The following CPB1 variants were observed in gnomAD, a reference collection of about 807,000 sequenced individuals.
CPB1 encodes carboxypeptidase B.
A neutral mutation model predicts 51.4 loss-of-function variants in CPB1; 53 were observed. That is an observed-to-expected ratio of 1.03 (90% confidence interval 0.83 to 1.30). The LOEUF is 1.30. Among genes scored for constraint, CPB1 ranks in the 50% most tolerant of loss-of-function variants. The pLI is 0.00. For missense variants in CPB1, 494 were observed against 516.2 expected (o/e 0.96, Z 0.42); for synonymous variants, 189 against 186.9 (o/e 1.01, Z -0.09).
chr3:148,831,492 T>C (rs2108010415), intron 2 of CPB1, among the ~76,000 whole-genome samples: 1 of 152,304 alleles, frequency 6.6e-6, no homozygotes, highest in Admixed American at 6.5e-5. Context: ...GAAAAAAAGA[T>C]CCCCAACACC....
chr3:148,859,942 C>A lies in CPB1; in HGVS notation c.1194C>A (p.Cys398Ter). The change falls in exon 11 of 11, where the codon TGC (cysteine) becomes TGA (stop). Residue 398 changes from cysteine (C) to a stop codon, truncating the protein, a stop_gained. Transcript: ENST00000282957. LOFTEE classifies it high-confidence loss of function. ...LLPESQIRAT[C>*]EETFLAIKYV... ...CAGAATCCCAGATCCGGGCTACCTG[C>A]GAGGAGACCTTCCTGGCAATCAAGT... 5.6e-6 allele frequency: 9 copies of A among 1,614,156 alleles called. No homozygotes were observed. Among genetic ancestry groups the A allele is most frequent in the Non-Finnish European group, 7.6e-6 (9 of 1,179,996 alleles).
At chr3:148,831,854 A>G (rs1231560684) in intron 2 of CPB1, among the ~76,000 whole-genome samples, 1 of 152,188 alleles carries the variant, frequency 6.6e-6, no homozygotes, top group Non-Finnish European at 1.5e-5. Context: ...TCTGAAATTT[A>G]TATTTATCAC....
chr3:148,838,931 T>C (rs1326269773), intron 3 of CPB1, among the ~76,000 whole-genome samples: 4 of 152,196 alleles, frequency 2.6e-5, no homozygotes, highest in African/African-American at 9.7e-5. Context: ...ATAATTATAG[T>C]GCTGACTAAA....
intron 2 of CPB1, among the ~76,000 whole-genome samples, chr3:148,830,881 T>C (rs1168759734): frequency 6.6e-6 from 1 of 152,184 alleles, no homozygotes; most frequent in African/African-American, 2.4e-5. Flanking sequence ...TTCTTCTTTA[T>C]TCTTTTATTT....
intron 2 of CPB1, among the ~76,000 whole-genome samples, chr3:148,833,560 G>A (rs890016036): frequency 1.8e-4 from 27 of 152,020 alleles, no homozygotes; most frequent in African/African-American, 5.8e-4. Flanking sequence ...GCAAACATCC[G>A]AACAGAGATT....
intron 9 of CPB1, among the ~76,000 whole-genome samples, chr3:148,853,133 A>T (rs1391964768): frequency 6.6e-6 from 1 of 152,172 alleles, no homozygotes; most frequent in Non-Finnish European, 1.5e-5. Context: ...ACCCATAGGG[A>T]TGGCTAAACT....
At chr3:148,838,944 C>T (rs1712992981) in intron 3 of CPB1, among the ~76,000 whole-genome samples, 2 of 152,150 alleles carry the variant, frequency 1.3e-5, no homozygotes, top group Non-Finnish European at 2.9e-5. Context: ...TGACTAAAAT[C>T]ATTGTTCCTA....
intron 2 of CPB1, among the ~76,000 whole-genome samples, chr3:148,830,549 T>C (rs904221678): frequency 6.6e-6 from 1 of 152,222 alleles, no homozygotes; most frequent in East Asian, 1.9e-4. Context: ...GTAAGAATTA[T>C]ATGTGTTTGC....
intron 5 of CPB1, 132 bp from the exon 6 acceptor site, chr3:148,841,691 T>C (rs553624779): frequency 8.0e-6 from 5 of 625,294 alleles, no homozygotes; most frequent in African/African-American, 3.7e-5. Flanking sequence ...TATTTTAATT[T>C]AATCATGGGA....
chr3:148,857,156 T>C (rs1713605705), intron 9 of CPB1: 1 of 183,900 alleles, frequency 5.4e-6, no homozygotes, highest in South Asian at 1.8e-4. Context: ...AACAACTTCT[T>C]TGCACAACCA....
At chr3:148,850,786 C>A (rs1713404250) in intron 9 of CPB1, 1 of 152,152 alleles carries the variant, frequency 6.6e-6, no homozygotes, top group South Asian at 2.1e-4. Flanking sequence ...CATGTCCCTG[C>A]CTAATAGCAA....
chr3:148,833,185 T>A (rs114964852), intron 2 of CPB1, among the ~76,000 whole-genome samples: 266 of 152,274 alleles, frequency 1.7e-3, no homozygotes, highest in African/African-American at 6.2e-3. Flanking sequence ...ACTCACTAGG[T>A]CACCTTCTAC....
rs1186062961 is a variant in CPB1 at position 148,844,566 on chromosome 3, G to A, written c.665G>A (p.Gly222Asp). 3.1e-6 allele frequency: 5 copies of A among 1,613,626 alleles called. No homozygotes were observed. The highest frequency in any genetic ancestry group is 4.2e-6 in the Non-Finnish European group (5 of 1,179,722). Reference protein sequence around the residue: ...FYVLPVLNIDGYIYTWTKSRF... With the variant: ...FYVLPVLNIDDYIYTWTKSRF... The stretch of plus-strand genomic sequence containing the variant: ...GTCCTGCCTGTGCTCAATATTGATG[G>A]CTACATCTACACCTGGACCAAGGTA... Residue 222 changes from glycine to aspartate, a missense_variant, in exon 7 of 11, where the codon GGC becomes GAC. By Grantham distance (94) the Gly-to-Asp change is moderately conservative. Coordinates refer to ENST00000282957, the MANE Select transcript of CPB1 (RefSeq NM_001871.3).
intron 6 of CPB1, among the ~76,000 whole-genome samples, chr3:148,844,053 G>A (rs1376147975): frequency 6.6e-6 from 1 of 152,098 alleles, no homozygotes; most frequent in Non-Finnish European, 1.5e-5. Flanking sequence ...GACATTATTA[G>A]GAACATGCAC....
At chr3:148,841,965 T>C (rs766261602) in intron 6 of CPB1, 41 bp downstream of exon 6, 1 of 1,378,112 alleles carries the variant, frequency 7.3e-7, no homozygotes, top group Non-Finnish European at 1.0e-6. Flanking sequence ...GAAATGTATG[T>C]TTTAATTTTC....
intron 5 of CPB1, 39 bp downstream of exon 5, chr3:148,841,014 C>T (rs781394402): frequency 1.3e-6 from 2 of 1,506,546 alleles, no homozygotes; most frequent in African/African-American, 2.8e-5. Context: ...TGTCTGAGGG[C>T]TTTAAATCAA....
chr3:148,843,956 G>A (rs1385222348), intron 6 of CPB1, among the ~76,000 whole-genome samples: 1 of 152,110 alleles, frequency 6.6e-6, no homozygotes, highest in Non-Finnish European at 1.5e-5. Flanking sequence ...ATTTTGAGAG[G>A]CATTCTCATT....
intron 2 of CPB1, among the ~76,000 whole-genome samples, chr3:148,830,458 T>C (rs1712699272): frequency 6.6e-6 from 1 of 152,172 alleles, no homozygotes; most frequent in South Asian, 2.1e-4. Context: ...AAAATGAAGA[T>C]GATAATACTA....
At position 148,859,900 on chromosome 3, in the gene CPB1, A is replaced by T. The variant is rs770815490; in HGVS notation, c.1152A>T (p.Arg384Ser). 1.1e-5 allele frequency: 17 copies of T among 1,614,028 alleles called. No homozygotes were observed. The highest frequency in any genetic ancestry group is 1.4e-5 in the Non-Finnish European group (17 of 1,180,022). The change falls in exon 11 of 11, where the codon AGA becomes AGT. Residue 384 changes from arginine (R) to serine (S), a missense_variant. Coordinates refer to ENST00000282957, the MANE Select transcript of CPB1 (RefSeq NM_001871.3). Reference protein sequence around the residue: ...SFTFELRDTGRYGFLLPESQI... With the variant: ...SFTFELRDTGSYGFLLPESQI... ...CCTTTGAACTTCGAGATACAGGCAG[A>T]TATGGCTTTCTCCTTCCAGAATCCC... is the stretch of plus-strand genomic sequence containing the variant.
Sources: gnomAD v4.1 joint callset for allele counts (sites outside exome capture counted in the v4.1 genomes callset) on GRCh38, gnomAD v4.1.1 for gene constraint, MANE v1.5 for transcripts, NCBI Gene and HGNC (gene_info 2026-07-23, HGNC 2026-07-21) for gene names.